Variants in ANKRD27 observed in about 807,000 individuals in gnomAD.
ANKRD27 encodes ankyrin repeat domain 27.
Under a neutral mutation model 129.7 loss-of-function variants are expected in ANKRD27, and 112 were observed. That is an observed-to-expected ratio of 0.86 (90% confidence interval 0.74 to 1.01). The LOEUF (loss-of-function observed/expected upper bound fraction) is 1.01. ANKRD27 is among the 50% of genes least tolerant of loss of function. The pLI, the probability that ANKRD27 is intolerant of heterozygous loss-of-function variation, is 0.00. For missense variants in ANKRD27, 1,258 were observed against 1,300.5 expected, an observed-to-expected ratio of 0.97 and a Z score of 0.50; for synonymous variants, 516 against 511.2, an observed-to-expected ratio of 1.01 and a Z score of -0.13.
chr19:32,646,452 A>G lies in ANKRD27; in HGVS notation c.370+7T>C, dbSNP rs753437948. On this transcript the variant is annotated splice_region_variant and intron_variant, in intron 4 of 28. Transcript: ENST00000306065. ...ACAGGAGAAAAAGGTTTTTTCTCCCAGAATACCTGAACTCTCTCTCTTTTC... is the reference window on the plus strand; with the variant it reads ...ACAGGAGAAAAAGGTTTTTTCTCCCGGAATACCTGAACTCTCTCTCTTTTC... 8.2e-6 allele frequency: 13 copies of G among 1,589,578 alleles called. No homozygotes were observed. In the South Asian group the frequency reaches 1.3e-4, roughly 15 times the overall value.
At chr19:32,658,893 C>A (rs559854186) in intron 2 of ANKRD27, 21 bp downstream of exon 2, 22 of 1,602,838 alleles carry the variant, frequency 1.4e-5, no homozygotes, top group South Asian at 4.4e-5. Flanking sequence ...TCAGGACAAC[C>A]CCGAGGCTCA....
intron 4 of ANKRD27, among the ~76,000 whole-genome samples, chr19:32,645,141 C>T (rs1209295588): frequency 6.6e-6 from 1 of 152,152 alleles, no homozygotes; most frequent in African/African-American, 2.4e-5. Context: ...TGGCCGGGCG[C>T]AGCGGCTCAT....
chr19:32,616,773 T>C (rs1359876933), intron 21 of ANKRD27, among the ~76,000 whole-genome samples: 1 of 152,116 alleles, frequency 6.6e-6, no homozygotes, highest in Non-Finnish European at 1.5e-5. Context: ...GATACCTGCT[T>C]ATGACTCCTC....
At chr19:32,623,017 C>T (rs1271281859) in intron 17 of ANKRD27, among the ~76,000 whole-genome samples, 1 of 151,378 alleles carries the variant, frequency 6.6e-6, no homozygotes, top group Non-Finnish European at 1.5e-5. Flanking sequence ...GACTCAAACT[C>T]CTGGGCTCAA....
intron 1 of ANKRD27, among the ~76,000 whole-genome samples, chr19:32,660,254 T>C (rs1208557990): frequency 6.6e-6 from 1 of 152,164 alleles, no homozygotes; most frequent in Non-Finnish European, 1.5e-5. Context: ...TCAGTGCCCG[T>C]AATTATGCAG....
At chr19:32,619,574 C>T (rs1387710178) in intron 18 of ANKRD27, 21 bp from the exon 19 acceptor site, 2 of 1,613,718 alleles carry the variant, frequency 1.2e-6, no homozygotes, top group South Asian at 1.1e-5. Flanking sequence ...AAGGGGGATG[C>T]CAACAGTACC....
At chr19:32,662,893 T>C (rs911980726) in intron 1 of ANKRD27, among the ~76,000 whole-genome samples, 1 of 151,752 alleles carries the variant, frequency 6.6e-6, no homozygotes. Flanking sequence ...AATACAAAAA[T>C]TAGCCAGGCG....
chr19:32,603,807 G>A (rs1354067947), intron 25 of ANKRD27, among the ~76,000 whole-genome samples: 1 of 152,130 alleles, frequency 6.6e-6, no homozygotes, highest in Non-Finnish European at 1.5e-5. Context: ...CCAAAGTGCT[G>A]GGATTACAGG....
chr19:32,660,780 CATTA>C (rs1967629290), intron 1 of ANKRD27, among the ~76,000 whole-genome samples: 1 of 152,084 alleles, frequency 6.6e-6, no homozygotes, highest in Non-Finnish European at 1.5e-5. Context: ...TTCATTGGTT[CATTA>C]ATTAAATGAA....
intron 2 of ANKRD27, among the ~76,000 whole-genome samples, chr19:32,650,172 C>T (rs1482794188): frequency 6.6e-6 from 1 of 152,118 alleles, no homozygotes; most frequent in Admixed American, 6.5e-5. Flanking sequence ...GACCCAGGGG[C>T]TCAGGGACAA....
intron 1 of ANKRD27, among the ~76,000 whole-genome samples, chr19:32,660,621 C>T (rs1332018461): frequency 1.3e-5 from 2 of 152,206 alleles, no homozygotes; most frequent in Non-Finnish European, 2.9e-5. Context: ...CCTCCCCAGA[C>T]ATCCAACCTG....
At chr19:32,610,454 TGGCCTTGGTGACA>T (rs1971817884) in intron 22 of ANKRD27, among the ~76,000 whole-genome samples, 1 of 147,474 alleles carries the variant, frequency 6.8e-6, no homozygotes, top group Non-Finnish European at 1.5e-5. Context: ...CACTGCACTC[TGGCCTTGGTGACA>T]GACCAAGACC....
intron 24 of ANKRD27, among the ~76,000 whole-genome samples, chr19:32,605,331 G>A (rs1175060609): frequency 1.3e-5 from 2 of 152,148 alleles, no homozygotes; most frequent in Non-Finnish European, 2.9e-5. Context: ...GGGTGCCATT[G>A]CATTCCAGCC....
chr19:32,670,556 C>T (rs1318472091), intron 1 of ANKRD27, among the ~76,000 whole-genome samples: 1 of 151,668 alleles, frequency 6.6e-6, no homozygotes, highest in Non-Finnish European at 1.5e-5. Flanking sequence ...CCCCTGTAAT[C>T]CCAGGTACTC....
chr19:32,648,756 C>T (rs540065474), intron 3 of ANKRD27, among the ~76,000 whole-genome samples: 6 of 149,236 alleles, frequency 4.0e-5, no homozygotes, highest in African/African-American at 7.5e-5. Context: ...GCTGTGATAG[C>T]GCCACTGCAC....
intron 16 of ANKRD27, 33 bp downstream of exon 16, chr19:32,626,679 G>A (rs1173406020): frequency 2.0e-6 from 3 of 1,528,646 alleles, no homozygotes; most frequent in Non-Finnish European, 2.7e-6. Flanking sequence ...CAGGAGCAAA[G>A]CGACAGCCCG....
intron 13 of ANKRD27, among the ~76,000 whole-genome samples, chr19:32,630,591 C>A (rs377377993): frequency 6.6e-6 from 1 of 152,186 alleles, no homozygotes; most frequent in East Asian, 1.9e-4. Flanking sequence ...GCCTGGCCTG[C>A]GCCCACAGTG....
chr19:32,643,727 A>C (rs1220509042), intron 5 of ANKRD27, 96 bp from the exon 6 acceptor site: 44 of 1,294,454 alleles, frequency 3.4e-5, no homozygotes, highest in Non-Finnish European at 4.8e-5. Flanking sequence ...TCAAGTGCTA[A>C]CACAAGCTTT....
Position 32,622,622 on chromosome 19 carries a change from G to A in ANKRD27, c.1630-3C>T. The A allele has an allele frequency of 6.2e-7, 1 of 1,613,190 alleles. No individual in the cohort carries two copies. On this transcript the variant is annotated splice_region_variant and splice_polypyrimidine_tract_variant and intron_variant, in intron 17 of 28. Coordinates refer to ENST00000306065, the MANE Select transcript of ANKRD27 (RefSeq NM_032139.3). ...TAGTAAACCAGAGCCTTCACACACT[G>A]CAAAGAGATGGGGAAATGGCATCGC...
Sources: allele counts gnomAD v4.1 joint callset (sites outside exome capture counted in the v4.1 genomes callset), GRCh38; gene constraint gnomAD v4.1.1; transcripts MANE v1.5; gene names NCBI Gene and HGNC (gene_info 2026-07-23, HGNC 2026-07-21).